Variants in PCDHA5 observed in about 807,000 individuals in gnomAD.
The protein encoded by PCDHA5 is protocadherin alpha 5.
Under a neutral mutation model 61.6 loss-of-function variants are expected in PCDHA5, and 43 were observed. That is an observed-to-expected ratio of 0.70 (90% confidence interval 0.55 to 0.90). The LOEUF (loss-of-function observed/expected upper bound fraction) is 0.90, where lower values mean the gene tolerates loss of function less well. Ranked by LOEUF, PCDHA5 falls within the 40% of genes least tolerant of loss-of-function variation. PCDHA5 has a pLI of 0.00. For missense variants in PCDHA5, 1,298 were observed against 1,222.7 expected (o/e 1.06, Z -0.92); for synonymous variants, 627 against 543.9 (o/e 1.15, Z -2.13).
At chr5:140,855,786 GAATT>G (rs2043624411) in intron 1 of PCDHA5, 1 of 434,404 alleles carries the variant, frequency 2.3e-6, no homozygotes, top group Non-Finnish European at 4.1e-6. Context: ...CGTAAAAAAA[GAATT>G]AACATATGAA....
In PCDHA5 at chr5:140,857,722, C is replaced by A. The variant is rs371525843; in HGVS notation, c.2352+33595C>A. The A allele has an allele frequency of 6.9e-6, 11 of 1,597,318 alleles. 1 individual carries two copies. Among genetic ancestry groups the A allele is most frequent in the Non-Finnish European group, 9.4e-6 (11 of 1,167,728 alleles). On this transcript the variant is annotated intron_variant, in intron 1 of 3. Coordinates refer to ENST00000529859, the MANE Select transcript of PCDHA5 (RefSeq NM_018908.3). ...TGCAGGTGTTCGTGCTGGACGAGAA[C>A]GACAACGCTCCCGCGCTGCTGGCGT... is the stretch of plus-strand genomic sequence containing the variant.
intron 3 of PCDHA5, among the ~76,000 whole-genome samples, chr5:141,005,799 T>A (rs1207641244): frequency 7.5e-6 from 1 of 133,220 alleles, no homozygotes; most frequent in African/African-American, 2.8e-5. Context: ...CAAAAACAAC[T>A]CCAAGGAGCC....
At position 140,876,586 on chromosome 5, in the gene PCDHA5, A is replaced by C. The variant is rs782256478; in HGVS notation, c.2352+52459A>C. 3 of 1,614,148 alleles carry C rather than the reference A, an allele frequency of 1.9e-6. No individual in the cohort carries two copies. The South Asian group carries it at 3.3e-5, about 18-fold the overall frequency. On this transcript the variant is annotated intron_variant, in intron 1 of 3. Transcript: ENST00000529859. Reference sequence around the variant, plus strand: ...TCAGGTGGGTACCGTCATTGCCCTGATTAGCGTGTCGGATCGTGACTCTGG... The same window carrying C: ...TCAGGTGGGTACCGTCATTGCCCTGCTTAGCGTGTCGGATCGTGACTCTGG...
At position 140,884,423 on chromosome 5, in the gene PCDHA5, A is replaced by G. The variant is rs2060160830; in HGVS notation, c.2352+60296A>G. The G allele has an allele frequency of 1.2e-6, 2 of 1,613,932 alleles. No individual in the cohort carries two copies. Among genetic ancestry groups the G allele is most frequent in the African/African-American group, 1.3e-5 (1 of 75,050 alleles). On this transcript the variant is annotated intron_variant, in intron 1 of 3. Coordinates refer to ENST00000529859, the MANE Select transcript of PCDHA5 (RefSeq NM_018908.3). ...GTTGGTGCTCACGTTGCTGCTGTAT[A>G]CTGCGCTGCGGTGCTCGGCACCGCC...
rs548266069 is a variant in PCDHA5 at position 140,886,217 on chromosome 5, T to G, written c.2352+62090T>G. Among the ~76,000 whole-genome samples, 388 of 152,238 alleles carry G rather than the reference T, an allele frequency of 2.5e-3. 1 individual carries two copies. Among genetic ancestry groups the G allele is most frequent in the African/African-American group, 9.1e-3 (377 of 41,582 alleles). Reference sequence around the variant, plus strand: ...GTAATCTGTTCTCCATTTCTCTAATTTTGTTACTTTTACTTCAGAAATAAA... The same window carrying G: ...GTAATCTGTTCTCCATTTCTCTAATGTTGTTACTTTTACTTCAGAAATAAA... On this transcript the variant is annotated intron_variant, in intron 1 of 3. Coordinates refer to ENST00000529859, the MANE Select transcript of PCDHA5 (RefSeq NM_018908.3).
chr5:140,828,562 G>T, intron 1 of PCDHA5: 2 of 1,614,232 alleles, frequency 1.2e-6, no homozygotes. Flanking sequence ...TGGAGGGCGC[G>T]TCCGATGCAG....
chr5:140,933,372 C>T (rs1332069734), intron 1 of PCDHA5, among the ~76,000 whole-genome samples: 2 of 151,918 alleles, frequency 1.3e-5, no homozygotes, highest in African/African-American at 2.4e-5. Flanking sequence ...TCCCAAATTC[C>T]TTGGCTGTTC....
At position 140,853,823 on chromosome 5, in the gene PCDHA5, T is replaced by C. The variant is rs1332082202; in HGVS notation, c.2352+29696T>C. On this transcript the variant is annotated intron_variant, in intron 1 of 3. Transcript: ENST00000529859. ...TAAAGCACACCTGAGATGATTCTCA[T>C]ACAACCGAAATTTTAGATCCATAGC... 6.3e-5 allele frequency: 62 copies of C among 986,786 alleles called. 2 individuals are homozygous for C. The highest frequency in any genetic ancestry group is 7.3e-5 in the Non-Finnish European group (60 of 818,922). The allele number at this position is 986,786 out of a possible 1,614,324, so 61.1% of individuals were successfully genotyped here. A position where few individuals can be genotyped will look rare whatever the true frequency, so the allele number is the denominator to read the frequency against.
intron 1 of PCDHA5, chr5:140,836,415 G>T (rs2150260164): frequency 3.1e-6 from 5 of 1,613,812 alleles, no homozygotes; most frequent in Admixed American, 1.7e-5. Context: ...GGCACCAAAG[G>T]CGTCGTCGCG....
intron 1 of PCDHA5, among the ~76,000 whole-genome samples, chr5:140,956,122 A>T (rs1371284760): frequency 6.6e-6 from 1 of 152,116 alleles, no homozygotes; most frequent in Non-Finnish European, 1.5e-5. Context: ...CTCTCTTCCT[A>T]TTTGAATACC....
intron 1 of PCDHA5, chr5:140,968,038 C>T (rs1554230238): frequency 8.7e-6 from 14 of 1,614,148 alleles, no homozygotes; most frequent in East Asian, 2.2e-5. Flanking sequence ...TGGTGGTGAG[C>T]GGCCCACTGG....
At chr5:140,875,342 A>C in intron 1 of PCDHA5, 1 of 1,443,152 alleles carries the variant, frequency 6.9e-7, no homozygotes, top group Non-Finnish European at 9.1e-7. Context: ...GATCGACTCC[A>C]TAATGACTGT....
intron 1 of PCDHA5, chr5:140,884,459 G>A (rs530412188): frequency 8.1e-6 from 13 of 1,613,636 alleles, no homozygotes; most frequent in Non-Finnish European, 1.0e-5. Flanking sequence ...CACCGAGGGC[G>A]CGTGCGCGCC....
chr5:140,838,076 TAGTGTGTG>T (rs1775469130), intron 1 of PCDHA5, among the ~76,000 whole-genome samples: 2 of 31,122 alleles, frequency 6.4e-5, no homozygotes, highest in Admixed American at 3.1e-4. Flanking sequence ...TATATATATA[TAGTGTGTG>T]TGTGTGTGTG....
intron 1 of PCDHA5, chr5:140,842,218 G>C (rs1554138887): frequency 2.5e-6 from 4 of 1,613,154 alleles, no homozygotes; most frequent in Admixed American, 1.7e-5. Context: ...ATCGAAATAC[G>C]GGAGAAATAG....
intron 1 of PCDHA5, among the ~76,000 whole-genome samples, chr5:140,833,021 AAG>A (rs1157304540): frequency 2.0e-5 from 3 of 152,192 alleles, no homozygotes; most frequent in Admixed American, 6.6e-5. Context: ...TGGTTCCCAT[AAG>A]AGAGAGTGTG....
chr5:140,999,032 C>T (rs2097843779), intron 3 of PCDHA5, among the ~76,000 whole-genome samples: 1 of 152,236 alleles, frequency 6.6e-6, no homozygotes, highest in South Asian at 2.1e-4. Flanking sequence ...TTTGATACTT[C>T]GTCCAGTGTG....
intron 1 of PCDHA5, chr5:140,854,017 C>T (rs2042943793): frequency 5.7e-6 from 2 of 349,696 alleles, no homozygotes; most frequent in South Asian, 2.3e-4. Flanking sequence ...AAAAAATTAG[C>T]CGGGCATGGT....
At chr5:140,959,203 G>A (rs1554223942) in intron 1 of PCDHA5, among the ~76,000 whole-genome samples, 1 of 152,128 alleles carries the variant, frequency 6.6e-6, no homozygotes. Context: ...ATGGTGAAAT[G>A]CTGTCCTTAC....
Sources: allele counts gnomAD v4.1 joint callset (sites outside exome capture counted in the v4.1 genomes callset), GRCh38; gene constraint gnomAD v4.1.1; transcripts MANE v1.5; gene names NCBI Gene and HGNC (gene_info 2026-07-23, HGNC 2026-07-21).